The following CRYGN variants were observed in gnomAD, a reference collection of about 807,000 sequenced individuals.
CRYGN encodes crystallin gamma N.
Under a neutral mutation model 19.2 loss-of-function variants are expected in CRYGN, and 17 were observed. The ratio of observed to expected loss-of-function variants is 0.89; its 90% CI spans 0.61 to 1.33. CRYGN has a LOEUF of 1.33. Ranked by LOEUF, CRYGN falls within the 40% of genes most tolerant of loss-of-function variation. The pLI, the probability that CRYGN is intolerant of heterozygous loss-of-function variation, is 0.00. For synonymous variants in CRYGN, 84 were observed against 85.8 expected (o/e 0.98, Z 0.12); for missense variants, 239 against 239.6 (o/e 1.00, Z 0.02).
chr7:151,440,096 G>C lies in CRYGN; in HGVS notation c.-179C>G. 1 of 1,363,846 alleles carries C rather than the reference G, an allele frequency of 7.3e-7. No homozygotes were observed. Among genetic ancestry groups the C allele is most frequent in the Non-Finnish European group, 9.4e-7 (1 of 1,063,292 alleles). 84.5% of individuals were successfully genotyped at this position (1,363,846 alleles called of 1,614,324 possible). On this transcript the variant is annotated 5_prime_UTR_variant, in exon 1 of 4. Transcript: ENST00000337323. ...CGCCGCGGCCACCCTGTGCCACCGC[G>C]AGTGCAGCCCGCCCTGCCCGGGGTC...
chr7:151,433,750 G>A lies in CRYGN; in HGVS notation c.416+2430C>T, dbSNP rs1040889337. 6.5e-6 allele frequency: 1 copy of A among 154,792 alleles called. No homozygotes were observed. The allele number at this position is 154,792 out of a possible 1,614,324, so 9.6% of individuals were successfully genotyped here. On this transcript the variant is annotated intron_variant, in intron 3 of 3. Coordinates refer to ENST00000337323, the MANE Select transcript of CRYGN (RefSeq NM_144727.3). The surrounding 1 kb of genome is among the most constrained non-coding windows in gnomAD (Gnocchi z 5.1). ...CAAGCCATGTCCTGGGCCACATGAG[G>A]GTTCTCACATGGACACCCCCAAAAG...
Position 151,436,153 on chromosome 7 carries a change from G to T in CRYGN, c.416+27C>A. On this transcript the variant is annotated intron_variant, in intron 3 of 3. Transcript: ENST00000337323. The surrounding 1 kb of genome is among the most constrained non-coding windows in gnomAD (Gnocchi z 5.1). ...TGCTGAAGGGCCTAGCCGGGCCTCG[G>T]GGTGCGGCCACGTGGCCTGTACTCA... 7.1e-7 allele frequency: 1 copy of T among 1,400,714 alleles called. No individual in the cohort carries two copies. Among genetic ancestry groups the T allele is most frequent in the Non-Finnish European group, 9.4e-7 (1 of 1,067,862 alleles). 86.8% of individuals were successfully genotyped at this position (1,400,714 alleles called of 1,614,324 possible).
intron 2 of CRYGN, 127 bp downstream of exon 2, chr7:151,437,869 T>C: frequency 1.3e-6 from 2 of 1,545,638 alleles, no homozygotes; most frequent in Non-Finnish European, 1.7e-6. Flanking sequence ...TGGGTATAGC[T>C]CCTTCAGTCT....
chr7:151,435,204 C>T lies in CRYGN; in HGVS notation c.416+976G>A, dbSNP rs1801572441. ...TGTTCCTCAATTGCTTCGATAGGCG[C>T]CAGAACCATGCACAGCCAGCTGGAA... On this transcript the variant is annotated intron_variant, in intron 3 of 3. Transcript: ENST00000337323. The surrounding 1 kb of genome is among the most constrained non-coding windows in gnomAD (Gnocchi z 4.2). 6.6e-6 allele frequency among the ~76,000 whole-genome samples: 1 copy of T among 152,212 alleles called. No homozygotes were observed. Among genetic ancestry groups the T allele is most frequent in the Admixed American group, 6.5e-5 (1 of 15,290 alleles).
In CRYGN at chr7:151,431,219, C is replaced by T. The variant is rs981519606; in HGVS notation, c.417-1039G>A. 6.6e-6 allele frequency among the ~76,000 whole-genome samples: 1 copy of T among 152,168 alleles called. No individual in the cohort carries two copies. Among genetic ancestry groups the T allele is most frequent in the African/African-American group, 2.4e-5 (1 of 41,444 alleles). On this transcript the variant is annotated intron_variant, in intron 3 of 3. Transcript: ENST00000337323. The surrounding 1 kb of genome is among the most constrained non-coding windows in gnomAD (Gnocchi z 4.8). ...AGGGACCAGAGTTCCCCTCGTGGGACCTTTCCTCTCTCCCCAGTGAGTTGG... is the reference window on the plus strand; with the variant it reads ...AGGGACCAGAGTTCCCCTCGTGGGATCTTTCCTCTCTCCCCAGTGAGTTGG...
intron 1 of CRYGN, chr7:151,438,742 T>C (rs543001455): frequency 2.3e-4 from 36 of 158,344 alleles, no homozygotes; most frequent in Non-Finnish European, 3.9e-4. Context: ...AGAGGCTGAA[T>C]GGGCCGAAGC....
chr7:151,432,069 G>C, intron 3 of CRYGN: 2 of 614,796 alleles, frequency 3.3e-6, no homozygotes, highest in Non-Finnish European at 4.7e-6. Context: ...TATCGCCCAA[G>C]GTCCCGAGGT....
At chr7:151,437,699 G>T in intron 2 of CRYGN, 2 of 877,676 alleles carry the variant, frequency 2.3e-6, no homozygotes, top group Non-Finnish European at 3.4e-6. Flanking sequence ...ATCTAAATTT[G>T]GATGATTTCA....
At chr7:151,432,107 T>G (rs1361864611) in intron 3 of CRYGN, 1 of 1,044,020 alleles carries the variant, frequency 9.6e-7, no homozygotes, top group African/African-American at 1.6e-5. Context: ...GGGTTGCCCC[T>G]GTCCCCAGAG....
chr7:151,438,207 T>C lies in CRYGN; in HGVS notation c.59A>G (p.Lys20Arg), dbSNP rs749780823. ...LYEGKHFTGQKLEVFGDCDNF... is the reference protein window; with the variant it reads ...LYEGKHFTGQRLEVFGDCDNF... ...GTCACAGTCCCCGAAGACCTCCAGC[T>C]TCTGCCCTGTGAAGTGCTTGCCTTC... The change falls in exon 2 of 4, where the codon AAG (lysine) becomes AGG (arginine). Residue 20 changes from lysine to arginine, a missense_variant. Transcript: ENST00000337323. The C allele has an allele frequency of 6.2e-7, 1 of 1,613,852 alleles. No homozygotes were observed. The highest frequency in any genetic ancestry group is 8.5e-7 in the Non-Finnish European group (1 of 1,179,984).
At chr7:151,432,161 T>G in intron 3 of CRYGN, 1 of 1,229,920 alleles carries the variant, frequency 8.1e-7, no homozygotes, top group Non-Finnish European at 1.0e-6. Flanking sequence ...TGGAAGAAGT[T>G]GACCACCTTG....
At chr7:151,438,521 T>C (rs1432378543) in intron 1 of CRYGN, among the ~76,000 whole-genome samples, 1 of 152,240 alleles carries the variant, frequency 6.6e-6, no homozygotes, top group Admixed American at 6.5e-5. Context: ...GGACAGGGGT[T>C]TCCCCTTTGT....
In CRYGN at chr7:151,431,214, T is replaced by C. The variant is rs1322947279; in HGVS notation, c.417-1034A>G. Among the ~76,000 whole-genome samples the C allele has an allele frequency of 6.6e-6, 1 of 152,118 alleles. No homozygotes were observed. Among genetic ancestry groups the C allele is most frequent in the Non-Finnish European group, 1.5e-5 (1 of 67,990 alleles). On this transcript the variant is annotated intron_variant, in intron 3 of 3. Transcript: ENST00000337323. The surrounding 1 kb of genome is among the most constrained non-coding windows in gnomAD (Gnocchi z 4.8). ...CCCCCAGGGACCAGAGTTCCCCTCG[T>C]GGGACCTTTCCTCTCTCCCCAGTGA...
rs567452065 is a variant in CRYGN, at chr7:151,435,221, C to A, written c.416+959G>T. 4.4e-4 allele frequency among the ~76,000 whole-genome samples: 67 copies of A among 152,306 alleles called. No homozygotes were observed. Among genetic ancestry groups the A allele is most frequent in the African/African-American group, 1.5e-3 (63 of 41,564 alleles). ...GATAGGCGCCAGAACCATGCACAGC[C>A]AGCTGGAACCTGTGTGAGGGGCTCT... is the stretch of plus-strand genomic sequence containing the variant. On this transcript the variant is annotated intron_variant, in intron 3 of 3. Coordinates refer to ENST00000337323, the MANE Select transcript of CRYGN (RefSeq NM_144727.3). The surrounding 1 kb of genome is among the most constrained non-coding windows in gnomAD (Gnocchi z 4.2).
Position 151,439,908 on chromosome 7 carries a change from G to A in CRYGN, c.10C>T (p.Arg4Cys), listed in dbSNP as rs1267684268. The A allele has an allele frequency of 1.3e-6, 2 of 1,551,632 alleles. No individual in the cohort carries two copies. The highest frequency in any genetic ancestry group is 1.2e-5 in the South Asian group (1 of 82,916). Residue 4 changes from arginine (R) to cysteine (C), a missense_variant, in exon 1 of 4, where the codon CGC becomes TGC. By Grantham distance (180) the Arg-to-Cys change is radical. Transcript: ENST00000337323. ...AGGGACGCACTCACCTTCCCCGAGC[G>A]CTGCGCCATGGTGCGCCCCGCCCCT... MAQ[R>C]SGKITLYEGK...
At chr7:151,438,372 GCACA>G in intron 1 of CRYGN, 128 bp from the exon 2 acceptor site, 12 of 881,856 alleles carry the variant, frequency 1.4e-5, no homozygotes, top group Non-Finnish European at 2.0e-5. Flanking sequence ...CAGACCTGCT[GCACA>G]CAGTAGGTGC....
Position 151,436,305 on chromosome 7 carries a change from T to C in CRYGN, c.291A>G (p.Leu97=), listed in dbSNP as rs766222784. Residue 97 remains leucine, a synonymous_variant, in exon 3 of 4, where the codon CTA becomes CTG. Coordinates refer to ENST00000337323, the MANE Select transcript of CRYGN (RefSeq NM_144727.3). This position sits in a 1 kb window ranked among gnomAD's most constrained non-coding sequence, Gnocchi z 5.1. ...TGAAGTTGCAACCCTCGAAGATTTC[T>C]AGGCGGAAATGTTCTCCGTGCTCCA... The part of the protein sequence containing the change: ...PVGMHGEHFR[L]EIFEGCNFTG... 8.8e-6 allele frequency: 14 copies of C among 1,583,906 alleles called. No individual in the cohort carries two copies. The highest frequency in any genetic ancestry group is 1.2e-5 in the Non-Finnish European group (14 of 1,165,044).
rs1018324034 is a variant in CRYGN, at chr7:151,429,831, A to G, written c.*217T>C. On this transcript the variant is annotated 3_prime_UTR_variant, in exon 4 of 4. Transcript: ENST00000337323. Reference sequence around the variant, plus strand: ...GAGGCCAGCAGGGTGCCAAGGCCCAAGGAGGCTGTGGGGTGGAGGGTTGGA... The same window carrying G: ...GAGGCCAGCAGGGTGCCAAGGCCCAGGGAGGCTGTGGGGTGGAGGGTTGGA... The G allele has an allele frequency of 5.1e-6, 3 of 583,338 alleles. No individual in the cohort carries two copies. The highest frequency in any genetic ancestry group is 1.9e-5 in the African/African-American group (1 of 53,454). 36.1% of individuals were successfully genotyped at this position (583,338 alleles called of 1,614,324 possible). A position where few individuals can be genotyped will look rare whatever the true frequency, so the allele number is the denominator to read the frequency against.
Position 151,436,411 on chromosome 7 carries a change from A to G in CRYGN, c.271-86T>C. On this transcript the variant is annotated intron_variant, in intron 2 of 3. Coordinates refer to ENST00000337323, the MANE Select transcript of CRYGN (RefSeq NM_144727.3). This position sits in a 1 kb window ranked among gnomAD's most constrained non-coding sequence, Gnocchi z 5.1. ...AAACAGAAGCCCCATGCAGGAAGGA[A>G]TTAGGAGGTACCCAAGGCACTGGGC... 7.4e-7 allele frequency: 1 copy of G among 1,347,816 alleles called. No individual in the cohort carries two copies. Among genetic ancestry groups the G allele is most frequent in the South Asian group, 1.7e-5 (1 of 59,860 alleles). 83.5% of individuals were successfully genotyped at this position (1,347,816 alleles called of 1,614,324 possible).
Sources: gnomAD v4.1 joint callset for allele counts (sites outside exome capture counted in the v4.1 genomes callset) on GRCh38, gnomAD v4.1.1 for gene constraint, Gnocchi (gnomAD v3.1) non-coding constraint, MANE v1.5 for transcripts, NCBI Gene and HGNC (gene_info 2026-07-23, HGNC 2026-07-21) for gene names.